The following KCNN4 variants were observed in gnomAD, a reference collection of about 807,000 sequenced individuals.
KCNN4 encodes intermediate conductance calcium-activated potassium channel protein 4.
Under a neutral mutation model 45.2 loss-of-function variants are expected in KCNN4, and 31 were observed. That is an observed-to-expected ratio of 0.69 (90% CI 0.52 to 0.92). KCNN4 has a LOEUF of 0.92. KCNN4 is among the 40% of genes least tolerant of loss of function. The pLI is 0.00. For missense variants in KCNN4, 463 were observed against 574.0 expected (o/e 0.81, Z 1.98); for synonymous variants, 231 against 254.6 (o/e 0.91, Z 0.88).
rs574008067 is a variant in KCNN4 at position 43,769,830 on chromosome 19, C to CT, written c.820-2dup. On this transcript the variant is annotated splice_acceptor_variant, in intron 4 of 8. Transcript: ENST00000648319. LOFTEE classifies it high-confidence loss of function. The surrounding 1 kb of genome is among the most constrained non-coding windows in gnomAD (Gnocchi z 4.4). ...CCAGCAGGGCTGTGCAGCAGACACC[C>CT]TGTGGGCACAGCAGGCACCGTGGCA... The CT allele has an allele frequency of 5.8e-4, 934 of 1,608,360 alleles. 5 individuals are homozygous for CT. In the African/African-American group the frequency reaches 0.011, roughly 18 times the overall value.
chr19:43,780,798 C>T lies in KCNN4; in HGVS notation c.64G>A (p.Glu22Lys). Residue 22 changes from glutamate to lysine, a missense_variant, in exon 1 of 9, where the codon GAG (glutamate) becomes AAG (lysine). Glu to Lys is a moderately conservative substitution (Grantham distance 56). Around this residue, in one of 3 missense-constraint regions of KCNN4, gnomAD observed 225 missense variants for 240.9 expected, o/e 0.93. Transcript: ENST00000648319. ...AGTGCCCAGCCGGCCAGAGACTTCT[C>T]CTGCTCCAGCAAGCGCTTTCGGCGT... ...LRRRKRLLEQ[E>K]KSLAGWALVL... 1.2e-6 allele frequency: 2 copies of T among 1,614,056 alleles called. No individual in the cohort carries two copies. Among genetic ancestry groups the T allele is most frequent in the Non-Finnish European group, 1.7e-6 (2 of 1,179,986 alleles).
chr19:43,768,827 A>G lies in KCNN4; in HGVS notation c.1119+136T>C, dbSNP rs549506466. 1.9e-4 allele frequency: 141 copies of G among 755,996 alleles called. 1 individual carries two copies. Among genetic ancestry groups the G allele is most frequent in the Non-Finnish European group, 4.6e-6 (2 of 434,138 alleles). 46.8% of individuals were successfully genotyped at this position (755,996 alleles called of 1,614,324 possible). On this transcript the variant is annotated intron_variant, in intron 7 of 8. Coordinates refer to ENST00000648319, the MANE Select transcript of KCNN4 (RefSeq NM_002250.3). ...GCATCATTCATTCCTTCCTTCCTTC[A>G]TTCAACCACAGACCTTTACTGACAG... is the stretch of plus-strand genomic sequence containing the variant.
Position 43,767,533 on chromosome 19 carries a change from C to CCCTCACCAGCTA in KCNN4, c.1282_*3+6dup. Reference sequence around the variant, plus strand: ...ATGCCTTCCTGCCCAAGTCCCAGCCCCCTCACCAGCTACTTGGACTGCTGG... The same window carrying CCCTCACCAGCTA: ...ATGCCTTCCTGCCCAAGTCCCAGCCCCCTCACCAGCTACCTCACCAGCTACTTGGACTGCTGG... On this transcript the variant is annotated splice_region_variant and intron_variant, in intron 8 of 8. Transcript: ENST00000648319. 2 of 1,612,440 alleles carry CCCTCACCAGCTA rather than the reference C, an allele frequency of 1.2e-6. No homozygotes were observed. Among genetic ancestry groups the CCCTCACCAGCTA allele is most frequent in the South Asian group, 2.2e-5 (2 of 91,004 alleles).
At chr19:43,768,736 T>G (rs1568390134) in intron 7 of KCNN4, among the ~76,000 whole-genome samples, 1 of 151,920 alleles carries the variant, frequency 6.6e-6, no homozygotes, top group Non-Finnish European at 1.5e-5. Flanking sequence ...GGGTTCTTTG[T>G]GCAATTTTTT....
rs373051073 is a variant in KCNN4 at position 43,768,956 on chromosome 19, C to A, written c.1119+7G>T. On this transcript the variant is annotated splice_region_variant and intron_variant, in intron 7 of 8. Coordinates refer to ENST00000648319, the MANE Select transcript of KCNN4 (RefSeq NM_002250.3). ...CTTCAAGACCTCCTCCCACGGGATC[C>A]TAGTACCTTGGAGATGTCCACCATG... The A allele has an allele frequency of 1.4e-5, 22 of 1,613,952 alleles. No homozygotes were observed. The highest frequency in any genetic ancestry group is 1.8e-5 in the Non-Finnish European group (21 of 1,179,948).
chr19:43,771,602 C>G (rs1039186221), intron 4 of KCNN4, among the ~76,000 whole-genome samples: 1 of 152,100 alleles, frequency 6.6e-6, no homozygotes, highest in Non-Finnish European at 1.5e-5. Context: ...AAGTCAGGAG[C>G]CTGGGTCCCT....
chr19:43,776,583 T>C lies in KCNN4; in HGVS notation c.213A>G (p.Leu71=). 6.2e-7 allele frequency: 1 copy of C among 1,613,462 alleles called. No individual in the cohort carries two copies. Among genetic ancestry groups the C allele is most frequent in the Non-Finnish European group, 8.5e-7 (1 of 1,179,840 alleles). Residue 71 remains leucine (L), a synonymous_variant, in exon 2 of 9, where the codon TTA becomes TTG. Coordinates refer to ENST00000648319, the MANE Select transcript of KCNN4 (RefSeq NM_002250.3). ...GAAAGGCCACGATGAGGCAGAGGAG[T>C]AAGAAGGTGGAAATGCTGATCGTGC... is the stretch of plus-strand genomic sequence containing the variant. ...VKCTISISTF[L]LLCLIVAFHA... is the part of the protein sequence containing the mutation.
rs1288355934 is a variant in KCNN4, at chr19:43,774,448, C to T, written c.427G>A (p.Gly143Arg). The part of the protein sequence containing the change: ...APLTSPQPWP[G>R]FLGQGEALLS... ...AGCGCTTCCCCTTGGCCCAGGAATC[C>T]CGGCCAGGGCTGCGGGGAGGTCAGC... The change falls in exon 3 of 9, where the codon GGA (glycine) becomes AGA (arginine). Residue 143 changes from glycine to arginine, a missense_variant. This residue lies in a region of KCNN4 where 225 missense variants were observed against 240.9 expected (regional missense o/e 0.93). Coordinates refer to ENST00000648319, the MANE Select transcript of KCNN4 (RefSeq NM_002250.3). This position sits in a 1 kb window ranked among gnomAD's most constrained non-coding sequence, Gnocchi z 5.6. 3.1e-6 allele frequency: 5 copies of T among 1,595,166 alleles called. No homozygotes were observed. Among genetic ancestry groups the T allele is most frequent in the Non-Finnish European group, 4.3e-6 (5 of 1,171,014 alleles).
In KCNN4 at chr19:43,769,996, A is replaced by G. The variant is rs532486289; in HGVS notation, c.820-167T>C. ...AGCTCAGAGCGGTGGAGCTAGAATC[A>G]TAAATCGCATACGTCCGAGCCCAAA... is the stretch of plus-strand genomic sequence containing the variant. On this transcript the variant is annotated intron_variant, in intron 4 of 8. Transcript: ENST00000648319. The surrounding 1 kb of genome is among the most constrained non-coding windows in gnomAD (Gnocchi z 4.4). Among the ~76,000 whole-genome samples, 4 of 152,250 alleles carry G rather than the reference A, an allele frequency of 2.6e-5. No homozygotes were observed. Among genetic ancestry groups the G allele is most frequent in the Non-Finnish European group, 5.9e-5 (4 of 68,022 alleles).
intron 3 of KCNN4, among the ~76,000 whole-genome samples, chr19:43,773,443 C>T (rs1340597070): frequency 6.6e-6 from 1 of 152,172 alleles, no homozygotes; most frequent in Non-Finnish European, 1.5e-5. Context: ...TACACTAGAC[C>T]AGAGGTTCTC....
intron 7 of KCNN4, among the ~76,000 whole-genome samples, chr19:43,767,948 A>C (rs1969529297): frequency 6.6e-6 from 1 of 152,232 alleles, no homozygotes; most frequent in South Asian, 2.1e-4. Context: ...TTCCTGTCTT[A>C]CAGCTGAGGA....
At position 43,774,674 on chromosome 19, in the gene KCNN4, G is replaced by A. The variant is rs2146456337; in HGVS notation, c.256-55C>T. The A allele has an allele frequency of 7.0e-7, 1 of 1,422,116 alleles. No homozygotes were observed. Among genetic ancestry groups the A allele is most frequent in the Non-Finnish European group, 9.2e-7 (1 of 1,091,952 alleles). The allele number at this position is 1,422,116 out of a possible 1,614,324, so 88.1% of individuals were successfully genotyped here. On this transcript the variant is annotated intron_variant, in intron 2 of 8. Transcript: ENST00000648319. This position sits in a 1 kb window ranked among gnomAD's most constrained non-coding sequence, Gnocchi z 5.6. Reference sequence around the variant, plus strand: ...TCAGGAGCAGGTCAGGCGCAGGTCAGGCGGCGGCCCGCGCCTGCCTGCGCC... The same window carrying A: ...TCAGGAGCAGGTCAGGCGCAGGTCAAGCGGCGGCCCGCGCCTGCCTGCGCC...
At position 43,769,418 on chromosome 19, in the gene KCNN4, G is replaced by A. The variant is rs201828803; in HGVS notation, c.1049+24C>T. 432 of 1,551,508 alleles carry A rather than the reference G, an allele frequency of 2.8e-4. No homozygotes were observed. Among genetic ancestry groups the A allele is most frequent in the Middle Eastern group, 1.0e-3 (6 of 5,936 alleles). ...CTTGGACATGGGTGCACATGGACACGTGTGCATACAAAGCGGCCCTCACGC... is the reference window on the plus strand; with the variant it reads ...CTTGGACATGGGTGCACATGGACACATGTGCATACAAAGCGGCCCTCACGC... On this transcript the variant is annotated intron_variant, in intron 6 of 8. Coordinates refer to ENST00000648319, the MANE Select transcript of KCNN4 (RefSeq NM_002250.3). This position sits in a 1 kb window ranked among gnomAD's most constrained non-coding sequence, Gnocchi z 4.4.
At chr19:43,768,036 G>A (rs347518) in intron 7 of KCNN4, among the ~76,000 whole-genome samples, 141,687 of 152,322 alleles carry the variant, frequency 0.93, 65,984 homozygotes, top group African/African-American at 0.97. Context: ...GTGCTCATTA[G>A]ATATTTCTAG....
rs199505963 is a variant in KCNN4 at position 43,776,648 on chromosome 19, G to T, written c.160-12C>A. 1.8e-5 allele frequency: 28 copies of T among 1,582,060 alleles called. No homozygotes were observed. The highest frequency in any genetic ancestry group is 2.3e-5 in the Non-Finnish European group (27 of 1,150,896). On this transcript the variant is annotated splice_polypyrimidine_tract_variant and intron_variant, in intron 1 of 8. Coordinates refer to ENST00000648319, the MANE Select transcript of KCNN4 (RefSeq NM_002250.3). ...AGGTAGAGCGCCCACTGTCAGGGGG[G>T]ACGGAAAAAGCGGTGTGAGATCCCA... is the stretch of plus-strand genomic sequence containing the variant.
At position 43,769,230 on chromosome 19, in the gene KCNN4, G is replaced by C; in HGVS notation, c.1050-198C>G. On this transcript the variant is annotated intron_variant, in intron 6 of 8. Transcript: ENST00000648319. This position sits in a 1 kb window ranked among gnomAD's most constrained non-coding sequence, Gnocchi z 4.4. ...TCCCCAGTAGAAACCCAGGTACCCA[G>C]GTCCGCAGACACACCGAGATATGCG... 1 of 679,482 alleles carries C rather than the reference G, an allele frequency of 1.5e-6. No homozygotes were observed. The highest frequency in any genetic ancestry group is 2.6e-6 in the Non-Finnish European group (1 of 391,012). 42.1% of individuals were successfully genotyped at this position (679,482 alleles called of 1,614,324 possible). A position where few individuals can be genotyped will look rare whatever the true frequency, so the allele number is the denominator to read the frequency against.
chr19:43,776,127 CAAAAAAAAAAAAAAAA>C (rs59704354), intron 2 of KCNN4, among the ~76,000 whole-genome samples: 2 of 40,966 alleles, frequency 4.9e-5, no homozygotes, highest in African/African-American at 2.0e-4. Context: ...GACCTTGTCT[CAAAAAAAAAAAAAAAA>C]AAAAAAAAAA....
chr19:43,769,467 G>A lies in KCNN4; in HGVS notation c.1024C>T (p.Arg342Cys), dbSNP rs762765968. 19 of 1,614,186 alleles carry A rather than the reference G, an allele frequency of 1.2e-5. 1 individual carries two copies. Among genetic ancestry groups the A allele is most frequent in the South Asian group, 4.4e-5 (4 of 91,092 alleles). The change falls in exon 6 of 9, where the codon CGC becomes TGC. Residue 342 changes from arginine to cysteine, a missense_variant. Physicochemically the swap from Arg to Cys is radical, Grantham distance 180. Around this residue, in one of 3 missense-constraint regions of KCNN4, gnomAD observed 129 missense variants for 149.4 expected, o/e 0.86. Transcript: ENST00000648319. The surrounding 1 kb of genome is among the most constrained non-coding windows in gnomAD (Gnocchi z 4.4). ...KESHAARRHQ[R>C]KLLAAINAFR... Reference sequence around the variant, plus strand: ...GCGTTGATGGCGGCCAGCAGCTTGCGCTGATGCCTGCGGGCAGCATGAGAC... The same window carrying A: ...GCGTTGATGGCGGCCAGCAGCTTGCACTGATGCCTGCGGGCAGCATGAGAC...
In KCNN4 at chr19:43,774,162, C is replaced by G. The variant is rs767292201; in HGVS notation, c.683+30G>C. On this transcript the variant is annotated intron_variant, in intron 3 of 8. Transcript: ENST00000648319. The surrounding 1 kb of genome is among the most constrained non-coding windows in gnomAD (Gnocchi z 5.6). Reference sequence around the variant, plus strand: ...CCGCCGTGGCTGTCCGGGGTTCCCCCCTGCGCATTTATGCCTCCATCACCC... The same window carrying G: ...CCGCCGTGGCTGTCCGGGGTTCCCCGCTGCGCATTTATGCCTCCATCACCC... 3 of 1,585,584 alleles carry G rather than the reference C, an allele frequency of 1.9e-6. No homozygotes were observed. Among genetic ancestry groups the G allele is most frequent in the South Asian group, 1.1e-5 (1 of 87,368 alleles).
Sources: allele counts gnomAD v4.1 joint callset (sites outside exome capture counted in the v4.1 genomes callset), GRCh38; gene constraint gnomAD v4.1.1; regional missense constraint gnomAD v4.1.1; non-coding constraint Gnocchi (gnomAD v3.1); transcripts MANE v1.5; gene names NCBI Gene and HGNC (gene_info 2026-07-23, HGNC 2026-07-21).